KCNIP3: variants seen among roughly 807,000 people sequenced by gnomAD.
KCNIP3 encodes the protein calsenilin.
KCNIP3 carries 28 observed loss-of-function variants against 35.0 expected under a neutral mutation model. That is an observed-to-expected ratio of 0.80 (90% confidence interval 0.59 to 1.10). The LOEUF (loss-of-function observed/expected upper bound fraction) is 1.10. Among genes scored for constraint, KCNIP3 ranks in the 50% least tolerant of loss-of-function variants. The probability of loss-of-function intolerance (pLI) is 0.00; values close to 1 mark genes in which losing one functional copy is unlikely to be tolerated. For synonymous variants in KCNIP3, 134 were observed against 133.8 expected (o/e 1.00, Z -0.01); for missense variants, 295 against 338.4 (o/e 0.87, Z 1.01).
At chr2:95,344,874 A>C (rs1679309562) in intron 2 of KCNIP3, among the ~76,000 whole-genome samples, 1 of 152,202 alleles carries the variant, frequency 6.6e-6, no homozygotes, top group Non-Finnish European at 1.5e-5. Context: ...GTACCACTAC[A>C]CTTTTACAGG....
chr2:95,382,111 C>G lies in KCNIP3; in HGVS notation c.556-266C>G, dbSNP rs1440490684. 6.6e-6 allele frequency among the ~76,000 whole-genome samples: 1 copy of G among 152,148 alleles called. No homozygotes were observed. The highest frequency in any genetic ancestry group is 1.5e-5 in the Non-Finnish European group (1 of 68,026). On this transcript the variant is annotated intron_variant, in intron 6 of 8. Coordinates refer to ENST00000295225, the MANE Select transcript of KCNIP3 (RefSeq NM_013434.5). The surrounding 1 kb of genome is among the most constrained non-coding windows in gnomAD (Gnocchi z 4.5). Reference sequence around the variant, plus strand: ...GGCCCACAGACAGGTTTTGTTTGGTCCAAGCACTTTTTCTGCTGCCGCGTC... The same window carrying G: ...GGCCCACAGACAGGTTTTGTTTGGTGCAAGCACTTTTTCTGCTGCCGCGTC...
Position 95,322,199 on chromosome 2 carries a change from A to C in KCNIP3, c.181+11679A>C, listed in dbSNP as rs181990299. Among the ~76,000 whole-genome samples, 84 of 152,194 alleles carry C rather than the reference A, an allele frequency of 5.5e-4. 1 individual carries two copies. The highest frequency in any genetic ancestry group is 1.8e-3 in the African/African-American group (76 of 41,500). ...GGGCACACAGTGAGATCCAATCTCTACAAAAAATACAAAAATTAGCCGGAC... is the reference window on the plus strand; with the variant it reads ...GGGCACACAGTGAGATCCAATCTCTCCAAAAAATACAAAAATTAGCCGGAC... On this transcript the variant is annotated intron_variant, in intron 2 of 8. Transcript: ENST00000295225.
chr2:95,305,550 G>A (rs528447301), intron 1 of KCNIP3, among the ~76,000 whole-genome samples: 16 of 152,120 alleles, frequency 1.1e-4, no homozygotes, highest in Non-Finnish European at 1.6e-4. Context: ...TTTTTATCAC[G>A]TGTAGGTTCA....
At chr2:95,326,818 A>G (rs958591269) in intron 2 of KCNIP3, among the ~76,000 whole-genome samples, 25 of 152,116 alleles carry the variant, frequency 1.6e-4, no homozygotes, top group Non-Finnish European at 2.5e-4. Context: ...CTCTGCCCAC[A>G]TGGCTGAGCC....
intron 5 of KCNIP3, among the ~76,000 whole-genome samples, chr2:95,380,069 A>G (rs1680301596): frequency 2.6e-5 from 4 of 151,328 alleles, no homozygotes; most frequent in Admixed American, 2.6e-4. Context: ...CTGGAGTGCA[A>G]CTCTCATTAT....
At chr2:95,324,328 G>A (rs577938534) in intron 2 of KCNIP3, among the ~76,000 whole-genome samples, 85 of 151,970 alleles carry the variant, frequency 5.6e-4, no homozygotes, top group Non-Finnish European at 9.6e-4. Context: ...TGGCTAACAC[G>A]GTGAAACCCC....
Position 95,384,206 on chromosome 2 carries a change from A to ACACACACACC in KCNIP3, c.*157_*158insCACACACACC. On this transcript the variant is annotated 3_prime_UTR_variant, in exon 9 of 9. Coordinates refer to ENST00000295225, the MANE Select transcript of KCNIP3 (RefSeq NM_013434.5). ...CACACACACACACACACACACACAC[A>ACACACACACC]GCCATTCATCTGGGCTGGCAGAGGG... is the stretch of plus-strand genomic sequence containing the variant. The ACACACACACC allele has an allele frequency of 1.5e-6, 1 of 648,294 alleles. No individual in the cohort carries two copies. Among genetic ancestry groups the ACACACACACC allele is most frequent in the Non-Finnish European group, 2.8e-6 (1 of 362,620 alleles). 40.2% of individuals were successfully genotyped at this position (648,294 alleles called of 1,614,324 possible).
intron 2 of KCNIP3, among the ~76,000 whole-genome samples, chr2:95,368,095 A>G (rs1405180064): frequency 6.6e-6 from 1 of 152,230 alleles, no homozygotes; most frequent in Admixed American, 6.5e-5. Flanking sequence ...ATTATAAAAC[A>G]TGATAAAGTT....
At chr2:95,351,181 C>T (rs992464275) in intron 2 of KCNIP3, among the ~76,000 whole-genome samples, 1 of 152,262 alleles carries the variant, frequency 6.6e-6, no homozygotes, top group Non-Finnish European at 1.5e-5. Flanking sequence ...AAGACTACTG[C>T]CCTGGCCAGG....
intron 2 of KCNIP3, among the ~76,000 whole-genome samples, chr2:95,345,945 C>T (rs1679344378): frequency 6.6e-6 from 1 of 152,222 alleles, no homozygotes; most frequent in African/African-American, 2.4e-5. Context: ...CGAAGGCGGG[C>T]GTCTCCCCCT....
chr2:95,377,726 T>C lies in KCNIP3; in HGVS notation c.447+2518T>C, dbSNP rs909260220. 1.3e-5 allele frequency among the ~76,000 whole-genome samples: 2 copies of C among 152,214 alleles called. No homozygotes were observed. Among genetic ancestry groups the C allele is most frequent in the Non-Finnish European group, 2.9e-5 (2 of 68,026 alleles). On this transcript the variant is annotated intron_variant, in intron 5 of 8. Transcript: ENST00000295225. This position sits in a 1 kb window ranked among gnomAD's most constrained non-coding sequence, Gnocchi z 4.7. ...GTCATCTGTGTATTACCTTTATGAATGGAGACTAGCCAGTGGCCTAACAGG... is the reference window on the plus strand; with the variant it reads ...GTCATCTGTGTATTACCTTTATGAACGGAGACTAGCCAGTGGCCTAACAGG...
intron 2 of KCNIP3, among the ~76,000 whole-genome samples, chr2:95,340,744 T>C (rs1172624292): frequency 6.6e-6 from 1 of 152,152 alleles, no homozygotes; most frequent in Non-Finnish European, 1.5e-5. Flanking sequence ...TAGGCATCTG[T>C]TTTGTGATCA....
chr2:95,299,540 A>G (rs1677966640), intron 1 of KCNIP3, among the ~76,000 whole-genome samples: 1 of 152,092 alleles, frequency 6.6e-6, no homozygotes, highest in Non-Finnish European at 1.5e-5. Flanking sequence ...TGCCATTCCT[A>G]TTCTAGACAC....
chr2:95,308,095 T>C (rs1678222751), intron 1 of KCNIP3, among the ~76,000 whole-genome samples: 1 of 152,134 alleles, frequency 6.6e-6, no homozygotes, highest in African/African-American at 2.4e-5. Context: ...TGTACTTGTG[T>C]GCATGTGTGT....
chr2:95,371,965 C>G (rs1467083043), intron 2 of KCNIP3, among the ~76,000 whole-genome samples: 1 of 151,922 alleles, frequency 6.6e-6, no homozygotes, highest in Non-Finnish European at 1.5e-5. Context: ...CCACTGCACC[C>G]GGCTCATTTT....
intron 1 of KCNIP3, among the ~76,000 whole-genome samples, chr2:95,306,874 C>T (rs926380488): frequency 1.3e-5 from 2 of 152,220 alleles, no homozygotes; most frequent in African/African-American, 4.8e-5. Context: ...GGTGCCTGGG[C>T]TGCTATTTAA....
intron 2 of KCNIP3, among the ~76,000 whole-genome samples, chr2:95,345,047 C>G (rs1302800207): frequency 6.6e-6 from 1 of 152,228 alleles, no homozygotes; most frequent in East Asian, 1.9e-4. Flanking sequence ...AGGACTTTTG[C>G]CTTTGGTCAG....
At chr2:95,343,797 C>G (rs1334182867) in intron 2 of KCNIP3, among the ~76,000 whole-genome samples, 3 of 152,176 alleles carry the variant, frequency 2.0e-5, no homozygotes, top group Non-Finnish European at 4.4e-5. Context: ...TCTGGGTTGG[C>G]TTCTTGGAGA....
intron 2 of KCNIP3, among the ~76,000 whole-genome samples, chr2:95,325,565 A>G (rs1048035866): frequency 1.3e-5 from 2 of 152,146 alleles, no homozygotes; most frequent in African/African-American, 4.8e-5. Context: ...AGCAGGGGGC[A>G]GGTCAGGGCA....
Sources: allele counts gnomAD v4.1 joint callset (sites outside exome capture counted in the v4.1 genomes callset), GRCh38; gene constraint gnomAD v4.1.1; non-coding constraint Gnocchi (gnomAD v3.1); transcripts MANE v1.5; gene names NCBI Gene and HGNC (gene_info 2026-07-23, HGNC 2026-07-21).